Variants in GRB10 observed in about 807,000 individuals in gnomAD.
GRB10 encodes growth factor receptor-bound protein 10.
GRB10 carries 20 observed loss-of-function variants against 80.9 expected under a neutral mutation model. The ratio of observed to expected loss-of-function variants is 0.25; its 90% confidence interval spans 0.17 to 0.36. The LOEUF is 0.36. GRB10 is among the 10% of genes least tolerant of loss of function. GRB10 has a pLI of 1.00. For synonymous variants in GRB10, 291 were observed against 291.5 expected (o/e 1.00, Z 0.02); for missense variants, 548 against 747.7 (o/e 0.73, Z 3.12).
chr7:50,611,486 T>C (rs2049518242), intron 13 of GRB10, among the ~76,000 whole-genome samples: 1 of 152,256 alleles, frequency 6.6e-6, no homozygotes, highest in Non-Finnish European at 1.5e-5. Flanking sequence ...TTGATTTCCA[T>C]AATTCTTTTT....
rs539476755 is a variant in GRB10, at chr7:50,702,349, GC to G, written c.139+1471del. Among the ~76,000 whole-genome samples the G allele has an allele frequency of 1.4e-4, 21 of 152,354 alleles. No homozygotes were observed. In the East Asian group the frequency reaches 4.0e-3, roughly 29 times the overall value. On this transcript the variant is annotated intron_variant, in intron 5 of 18. Coordinates refer to ENST00000401949, the MANE Select transcript of GRB10 (RefSeq NM_001350814.2). ...TCACTGCCGGAGAAGGGAAAGCGCAGCCCTTTGTATTCCCTAGGACCTAGGC... is the reference window on the plus strand; with the variant it reads ...TCACTGCCGGAGAAGGGAAAGCGCAGCCTTTGTATTCCCTAGGACCTAGGC...
At chr7:50,681,221 G>A (rs183448034) in intron 5 of GRB10, among the ~76,000 whole-genome samples, 4 of 152,320 alleles carry the variant, frequency 2.6e-5, no homozygotes, top group Admixed American at 2.6e-4. Context: ...CACAGCTCAT[G>A]AGCTGCCTGG....
intron 7 of GRB10, among the ~76,000 whole-genome samples, chr7:50,627,414 C>T (rs895970779): frequency 3.3e-5 from 5 of 152,180 alleles, no homozygotes; most frequent in South Asian, 2.1e-4. Flanking sequence ...TAACCTTTGA[C>T]GAGTCGACCT....
At chr7:50,634,202 C>A (rs1419467974) in intron 7 of GRB10, among the ~76,000 whole-genome samples, 2 of 152,152 alleles carry the variant, frequency 1.3e-5, no homozygotes, top group African/African-American at 4.8e-5. Flanking sequence ...TCAGCAGAAA[C>A]CTTACAAGTC....
At chr7:50,730,949 T>G (rs2069597000) in intron 4 of GRB10, among the ~76,000 whole-genome samples, 1 of 152,168 alleles carries the variant, frequency 6.6e-6, no homozygotes. Context: ...GAGTAGGAAG[T>G]GGCAGGCAGG....
chr7:50,689,684 G>A (rs947557210), intron 5 of GRB10, among the ~76,000 whole-genome samples: 1 of 152,106 alleles, frequency 6.6e-6, no homozygotes, highest in Non-Finnish European at 1.5e-5. Context: ...CATTTTTGAG[G>A]ACCTCCTTAA....
At chr7:50,739,291 T>C (rs2071330210) in intron 3 of GRB10, among the ~76,000 whole-genome samples, 1 of 152,224 alleles carries the variant, frequency 6.6e-6, no homozygotes, top group Non-Finnish European at 1.5e-5. Flanking sequence ...GAAAAGTACA[T>C]TGGGTGTTCC....
chr7:50,716,792 C>T (rs1361165820), intron 4 of GRB10, among the ~76,000 whole-genome samples: 3 of 152,228 alleles, frequency 2.0e-5, no homozygotes, highest in African/African-American at 7.2e-5. Context: ...CGCCCAACGG[C>T]TGGCGTGGTC....
intron 2 of GRB10, among the ~76,000 whole-genome samples, chr7:50,766,607 G>C (rs550753195): frequency 2.6e-5 from 4 of 151,970 alleles, no homozygotes; most frequent in Non-Finnish European, 5.9e-5. Flanking sequence ...GGAGTAAATA[G>C]TTTGGAGTGG....
intron 5 of GRB10, among the ~76,000 whole-genome samples, chr7:50,678,424 T>C (rs998967395): frequency 6.6e-6 from 1 of 152,238 alleles, no homozygotes; most frequent in African/African-American, 2.4e-5. Context: ...CAAACCTTCA[T>C]ACTTTCCAGA....
chr7:50,627,471 C>T (rs563608389), intron 7 of GRB10, among the ~76,000 whole-genome samples: 101 of 152,296 alleles, frequency 6.6e-4, no homozygotes, highest in African/African-American at 1.6e-3. Flanking sequence ...CAGCCTTTCC[C>T]GCAGCACCTC....
At chr7:50,597,322 G>T (rs938297115) in intron 17 of GRB10, among the ~76,000 whole-genome samples, 1 of 152,200 alleles carries the variant, frequency 6.6e-6, no homozygotes, top group Admixed American at 6.5e-5. Context: ...CAGATGGGAC[G>T]GCGTGAGGAA....
chr7:50,635,962 C>CTTTTTTT (rs56411780), intron 7 of GRB10, among the ~76,000 whole-genome samples: 11 of 71,012 alleles, frequency 1.5e-4, no homozygotes, highest in Admixed American at 2.4e-4. Context: ...TTTTCCTTTC[C>CTTTTTTT]TTTTTTTTTT....
intron 7 of GRB10, among the ~76,000 whole-genome samples, chr7:50,649,495 T>G (rs1415638045): frequency 1.3e-5 from 2 of 152,096 alleles, no homozygotes; most frequent in Non-Finnish European, 2.9e-5. Context: ...TAGAACACAG[T>G]GACGACACAC....
chr7:50,647,887 T>C (rs2057436630), intron 7 of GRB10, among the ~76,000 whole-genome samples: 1 of 152,118 alleles, frequency 6.6e-6, no homozygotes, highest in African/African-American at 2.4e-5. Context: ...GGAATTCTGA[T>C]GGGGGTACTG....
intron 7 of GRB10, among the ~76,000 whole-genome samples, chr7:50,662,921 C>T (rs2059424375): frequency 6.6e-6 from 1 of 152,232 alleles, no homozygotes; most frequent in Non-Finnish European, 1.5e-5. Flanking sequence ...TTACAGACAC[C>T]TGAGCTAGAC....
intron 8 of GRB10, among the ~76,000 whole-genome samples, chr7:50,621,794 A>T (rs534595151): frequency 6.6e-6 from 1 of 152,402 alleles, no homozygotes; most frequent in East Asian, 1.9e-4. Flanking sequence ...GGAAAGGGCA[A>T]AAATTCCTTG....
At chr7:50,748,476 C>T (rs2073417679) in intron 3 of GRB10, among the ~76,000 whole-genome samples, 1 of 152,190 alleles carries the variant, frequency 6.6e-6, no homozygotes, top group South Asian at 2.1e-4. Context: ...CATAACAAAA[C>T]CAGAGGCAAA....
intron 6 of GRB10, among the ~76,000 whole-genome samples, 180 bp downstream of exon 6, chr7:50,674,256 C>A (rs561778769): frequency 6.6e-6 from 1 of 152,346 alleles, no homozygotes. Flanking sequence ...AAGTTCAACC[C>A]AAGGGCGGCA....
Sources: gnomAD v4.1 joint callset for allele counts (sites outside exome capture counted in the v4.1 genomes callset) on GRCh38, gnomAD v4.1.1 for gene constraint, MANE v1.5 for transcripts, NCBI Gene and HGNC (gene_info 2026-07-23, HGNC 2026-07-21) for gene names.